Variants in CDH13 observed in about 807,000 individuals in gnomAD.
The protein encoded by CDH13 is cadherin-13.
CDH13 carries 24 observed loss-of-function variants against 63.8 expected under a neutral mutation model. The ratio of observed to expected loss-of-function variants is 0.38; its 90% confidence interval spans 0.27 to 0.53. The LOEUF is 0.53. Among genes scored for constraint, CDH13 ranks in the 20% least tolerant of loss-of-function variants. The probability of loss-of-function intolerance (pLI) is 0.85; values close to 1 mark genes in which losing one functional copy is unlikely to be tolerated. For missense variants in CDH13, 1,049 were observed against 903.1 expected, an observed-to-expected ratio of 1.16 and a Z score of -2.07; for synonymous variants, 503 against 355.3, an observed-to-expected ratio of 1.42 and a Z score of -4.67.
At chr16:83,661,746 T>G (rs967826912) in intron 8 of CDH13, among the ~76,000 whole-genome samples, 1 of 152,214 alleles carries the variant, frequency 6.6e-6, no homozygotes, top group Non-Finnish European at 1.5e-5. Flanking sequence ...CAGGTGGGCA[T>G]CTTCCTCAAA....
At chr16:82,766,882 T>A (rs1453255194) in intron 1 of CDH13, among the ~76,000 whole-genome samples, 1 of 152,156 alleles carries the variant, frequency 6.6e-6, no homozygotes, top group Non-Finnish European at 1.5e-5. Context: ...GAAATAATGT[T>A]TCATTATAAA....
chr16:83,310,086 G>C (rs549802715), intron 5 of CDH13, among the ~76,000 whole-genome samples: 2 of 152,180 alleles, frequency 1.3e-5, no homozygotes, highest in African/African-American at 2.4e-5. Flanking sequence ...CCTTATGAAA[G>C]ATAGACTATT....
In CDH13 at chr16:83,022,228, G is replaced by A. The variant is rs886579415; in HGVS notation, c.158-9782G>A. On this transcript the variant is annotated intron_variant, in intron 2 of 13. Transcript: ENST00000567109. ...TTAGTTGTCAGAAAGACATTGTCAT[G>A]CCCCAGCAAAGGCTTTGCAGATTAA... Among the ~76,000 whole-genome samples, 12 of 152,318 alleles carry A rather than the reference G, an allele frequency of 7.9e-5. No individual in the cohort carries two copies. The East Asian group carries it at 2.3e-3, about 29-fold the overall frequency.
chr16:83,746,365 T>C (rs1017061889), intron 10 of CDH13, among the ~76,000 whole-genome samples: 2 of 152,094 alleles, frequency 1.3e-5, no homozygotes, highest in Non-Finnish European at 2.9e-5. Context: ...TCAAATCTCC[T>C]CTGCCTCCCC....
At position 83,660,251 on chromosome 16, in the gene CDH13, C is replaced by G. The variant is rs149366036; in HGVS notation, c.1102-10539C>G. Among the ~76,000 whole-genome samples the G allele has an allele frequency of 6.0e-3, 912 of 152,274 alleles. 13 individuals are homozygous for G. Among genetic ancestry groups the G allele is most frequent in the African/African-American group, 0.021 (857 of 41,542 alleles). On this transcript the variant is annotated intron_variant, in intron 8 of 13. Coordinates refer to ENST00000567109, the MANE Select transcript of CDH13 (RefSeq NM_001257.5). ...AATATACAATGACATAATTATACAA[C>G]TACCATAATGTAGAACCAGTGGGAT... is the stretch of plus-strand genomic sequence containing the variant.
chr16:83,370,964 C>T lies in CDH13; in HGVS notation c.781+25958C>T, dbSNP rs562839079. Among the ~76,000 whole-genome samples the T allele has an allele frequency of 2.3e-4, 35 of 152,170 alleles. 1 individual carries two copies. The East Asian group carries it at 6.6e-3, about 29-fold the overall frequency. On this transcript the variant is annotated intron_variant, in intron 6 of 13. Coordinates refer to ENST00000567109, the MANE Select transcript of CDH13 (RefSeq NM_001257.5). ...AACATCACTAATCATTAGAGAAATG[C>T]AAATAAAATCCACAATAAGATACCA...
chr16:83,275,038 C>G (rs182315601), intron 5 of CDH13, among the ~76,000 whole-genome samples: 2 of 152,296 alleles, frequency 1.3e-5, no homozygotes, highest in Admixed American at 1.3e-4. Flanking sequence ...ATCCAGAGAA[C>G]TTGTCTGTCA....
chr16:83,702,128 C>A (rs530719698), intron 10 of CDH13, among the ~76,000 whole-genome samples: 2 of 152,268 alleles, frequency 1.3e-5, no homozygotes, highest in South Asian at 4.1e-4. Context: ...TGCTAAGAAC[C>A]TTTCCTCATC....
At chr16:82,784,684 G>C (rs1490103424) in intron 1 of CDH13, among the ~76,000 whole-genome samples, 1 of 152,142 alleles carries the variant, frequency 6.6e-6, no homozygotes, top group Non-Finnish European at 1.5e-5. Context: ...GGCACCATGA[G>C]AGCTGGTAAC....
chr16:82,769,509 G>T (rs1051936222), intron 1 of CDH13, among the ~76,000 whole-genome samples: 6 of 152,208 alleles, frequency 3.9e-5, no homozygotes, highest in African/African-American at 1.4e-4. Flanking sequence ...AGGCCACGTT[G>T]AACCTCTAAT....
chr16:82,965,124 T>G (rs1426715833), intron 2 of CDH13, among the ~76,000 whole-genome samples: 2 of 152,258 alleles, frequency 1.3e-5, no homozygotes, highest in Admixed American at 1.3e-4. Flanking sequence ...CCAGGAATAC[T>G]GTTGTCTCAC....
intron 1 of CDH13, among the ~76,000 whole-genome samples, chr16:82,651,986 C>A (rs1222133220): frequency 6.6e-6 from 1 of 152,216 alleles, no homozygotes; most frequent in Non-Finnish European, 1.5e-5. Flanking sequence ...CAAGTTGGAG[C>A]TTTTCGTCTT....
intron 1 of CDH13, among the ~76,000 whole-genome samples, chr16:82,686,449 G>T (rs1915078758): frequency 6.6e-6 from 1 of 152,158 alleles, no homozygotes; most frequent in East Asian, 1.9e-4. Flanking sequence ...TGTCAACGGA[G>T]ATTGTATGGG....
At position 83,192,073 on chromosome 16, in the gene CDH13, C is replaced by T. The variant is rs928045111; in HGVS notation, c.484-25272C>T. 1.7e-4 allele frequency among the ~76,000 whole-genome samples: 26 copies of T among 152,292 alleles called. 1 individual carries two copies. The highest frequency in any genetic ancestry group is 7.3e-5 in the Non-Finnish European group (5 of 68,034). On this transcript the variant is annotated intron_variant, in intron 4 of 13. Transcript: ENST00000567109. ...CCCACCAGCAATCTGCACGGATACTCGGTCACTATTTTGTTATTTATACCA... is the reference window on the plus strand; with the variant it reads ...CCCACCAGCAATCTGCACGGATACTTGGTCACTATTTTGTTATTTATACCA...
chr16:82,923,919 A>G (rs1248032922), intron 2 of CDH13, among the ~76,000 whole-genome samples: 1 of 152,168 alleles, frequency 6.6e-6, no homozygotes, highest in Non-Finnish European at 1.5e-5. Context: ...TCTGCAAATG[A>G]TCACAGAATT....
At chr16:82,933,942 G>T (rs2042583855) in intron 2 of CDH13, among the ~76,000 whole-genome samples, 1 of 152,178 alleles carries the variant, frequency 6.6e-6, no homozygotes, top group South Asian at 2.1e-4. Flanking sequence ...CCCTCCTCCT[G>T]GCTGCTTTCA....
chr16:82,641,892 A>G (rs577683602), intron 1 of CDH13, among the ~76,000 whole-genome samples: 1 of 152,246 alleles, frequency 6.6e-6, no homozygotes, highest in East Asian at 1.9e-4. Context: ...CAGGAGGGTG[A>G]TGAGTGCCAT....
chr16:82,986,317 T>C (rs1023210652), intron 2 of CDH13, among the ~76,000 whole-genome samples: 1 of 152,192 alleles, frequency 6.6e-6, no homozygotes, highest in Non-Finnish European at 1.5e-5. Context: ...GACAAACCTT[T>C]GACATTTGAT....
At chr16:83,309,390 T>C (rs891814975) in intron 5 of CDH13, among the ~76,000 whole-genome samples, 2 of 151,868 alleles carry the variant, frequency 1.3e-5, no homozygotes, top group Admixed American at 6.6e-5. Flanking sequence ...CTTCTTTTTT[T>C]TTTGAGACAG....
Sources: allele counts gnomAD v4.1 joint callset (sites outside exome capture counted in the v4.1 genomes callset), GRCh38; gene constraint gnomAD v4.1.1; transcripts MANE v1.5; gene names NCBI Gene and HGNC (gene_info 2026-07-23, HGNC 2026-07-21).